Variants in PRSS22 observed in about 807,000 individuals in gnomAD.
PRSS22 encodes brain-specific serine protease 4.
PRSS22 carries 26 observed loss-of-function variants against 28.0 expected under a neutral mutation model. That is an observed-to-expected ratio of 0.93 (90% CI 0.68 to 1.29). The LOEUF (loss-of-function observed/expected upper bound fraction) is 1.29. Ranked by LOEUF, PRSS22 falls within the 50% of genes most tolerant of loss-of-function variation. PRSS22 has a pLI of 0.00. For synonymous variants in PRSS22, 217 were observed against 177.9 expected (o/e 1.22, Z -1.75); for missense variants, 444 against 422.1 (o/e 1.05, Z -0.46).
intron 4 of PRSS22, among the ~76,000 whole-genome samples, chr16:2,854,719 C>T (rs1484772075): frequency 3.9e-5 from 6 of 152,196 alleles, no homozygotes; most frequent in Non-Finnish European, 7.3e-5. Flanking sequence ...ATCTGCCTGT[C>T]GATCTGTCAT....
chr16:2,856,406 C>G (rs1010705958), intron 2 of PRSS22, among the ~76,000 whole-genome samples, 153 bp from the exon 3 acceptor site: 1 of 151,932 alleles, frequency 6.6e-6, no homozygotes, highest in East Asian at 1.9e-4. Context: ...ACTTGCACTC[C>G]AAGCTCCACC....
rs1207188485 is a variant in PRSS22, at chr16:2,856,863, A to G, written c.83-15T>C. ...ATTGAGGATGGCTGAGGGCAAGAGAAGGAAACGGTTAGGCCGGTGAGGGGC... is the reference window on the plus strand; with the variant it reads ...ATTGAGGATGGCTGAGGGCAAGAGAGGGAAACGGTTAGGCCGGTGAGGGGC... On this transcript the variant is annotated splice_polypyrimidine_tract_variant and intron_variant, in intron 1 of 5. Coordinates refer to ENST00000161006, the MANE Select transcript of PRSS22 (RefSeq NM_022119.4). 6 of 1,551,644 alleles carry G rather than the reference A, an allele frequency of 3.9e-6. No individual in the cohort carries two copies. Among genetic ancestry groups the G allele is most frequent in the Non-Finnish European group, 5.2e-6 (6 of 1,147,024 alleles).
At chr16:2,855,445 T>G in intron 4 of PRSS22, 129 bp downstream of exon 4, 1 of 1,001,104 alleles carries the variant, frequency 1.0e-6, no homozygotes, top group Non-Finnish European at 1.4e-6. Context: ...AGCCCATCTT[T>G]CCTTCCACCT....
intron 2 of PRSS22, among the ~76,000 whole-genome samples, chr16:2,856,615 C>T (rs919441283): frequency 6.6e-6 from 1 of 152,060 alleles, no homozygotes. Context: ...GTTCACCTTC[C>T]TGGCTCTCTC....
chr16:2,853,010 A>C lies in PRSS22; in HGVS notation c.*83T>G. 1 of 969,998 alleles carries C rather than the reference A, an allele frequency of 1.0e-6. No homozygotes were observed. Among genetic ancestry groups the C allele is most frequent in the Non-Finnish European group, 1.5e-6 (1 of 682,610 alleles). The allele number at this position is 969,998 out of a possible 1,614,324, so 60.1% of individuals were successfully genotyped here. A position where few individuals can be genotyped will look rare whatever the true frequency, so the allele number is the denominator to read the frequency against. Reference sequence around the variant, plus strand: ...TAGATGAGCCTATTTACGGCGGGGGAAACCGCCCGAGGCCGCCGCAGATCC... The same window carrying C: ...TAGATGAGCCTATTTACGGCGGGGGCAACCGCCCGAGGCCGCCGCAGATCC... On this transcript the variant is annotated 3_prime_UTR_variant, in exon 6 of 6. Transcript: ENST00000161006. The surrounding 1 kb of genome is among the most constrained non-coding windows in gnomAD (Gnocchi z 4.6).
At chr16:2,857,954 GGGAGGGAGGGAAGGAGGGAA>G in intron 1 of PRSS22, 49 bp downstream of exon 1, 1 of 1,143,162 alleles carries the variant, frequency 8.7e-7, no homozygotes, top group Non-Finnish European at 1.1e-6. Flanking sequence ...GAGGGAGAGA[GGGAGGGAGGGAAGGAGGGAA>G]GGAGGGTGGA....
At chr16:2,855,992 C>G (rs34519074) in intron 3 of PRSS22, 90 bp downstream of exon 3, 33,892 of 1,534,924 alleles carry the variant, frequency 0.022, 498 homozygotes, top group Non-Finnish European at 0.027. Context: ...AACAGAGGCC[C>G]GGAAGCAGAG....
At chr16:2,856,052 G>T (rs894671395) in intron 3 of PRSS22, 30 bp downstream of exon 3, 1 of 1,608,310 alleles carries the variant, frequency 6.2e-7, no homozygotes, top group Non-Finnish European at 8.5e-7. Context: ...GGCCTTAGAA[G>T]ATCAAGTGCC....
intron 1 of PRSS22, chr16:2,857,236 T>TTCCCCAGCGCCCAGTGAGGAGGGG (rs2069468580): frequency 1.2e-4 from 12 of 98,052 alleles, no homozygotes; most frequent in African/African-American, 2.1e-4. Flanking sequence ...GTGAGGAGGG[T>TTCCCCAGCGCCCAGTGAGGAGGGG]TCCCCAGCGC....
In PRSS22 at chr16:2,856,864, G is replaced by T; in HGVS notation, c.83-16C>A. On this transcript the variant is annotated splice_polypyrimidine_tract_variant and intron_variant, in intron 1 of 5. Transcript: ENST00000161006. ...TTGAGGATGGCTGAGGGCAAGAGAA[G>T]GAAACGGTTAGGCCGGTGAGGGGCC... 6 of 1,551,718 alleles carry T rather than the reference G, an allele frequency of 3.9e-6. No individual in the cohort carries two copies. Among genetic ancestry groups the T allele is most frequent in the Non-Finnish European group, 5.2e-6 (6 of 1,147,000 alleles).
Position 2,858,050 on chromosome 16 carries a change from T to C in PRSS22, c.55A>G (p.Thr19Ala). The change falls in exon 1 of 6, where the codon ACC becomes GCC. Residue 19 changes from threonine to alanine, a missense_variant. Transcript: ENST00000161006. ...GTCGACGCCAGCAGCAGCAGGGAGG[T>C]GAAGGTGCCGAGACAGCCCCCACCC... ...ALGGGCLGTFTSLLLLASTAI... is the reference protein window; with the variant it reads ...ALGGGCLGTFASLLLLASTAI... 1 of 1,273,720 alleles carries C rather than the reference T, an allele frequency of 7.9e-7. No individual in the cohort carries two copies. The highest frequency in any genetic ancestry group is 1.0e-6 in the Non-Finnish European group (1 of 1,001,974). The allele number at this position is 1,273,720 out of a possible 1,614,324, so 78.9% of individuals were successfully genotyped here. A position where few individuals can be genotyped will look rare whatever the true frequency, so the allele number is the denominator to read the frequency against.
In PRSS22 at chr16:2,856,090, A is replaced by G; in HGVS notation, c.273T>C (p.Cys91=). ...AGGCCGGCTGTACATACTCCTTGAA[A>G]CAGTGGGCAGCAGTGATCACCCAGC... ...TSRWVITAAH[C]FKDNLNKPYL... is the part of the protein sequence containing the mutation. Residue 91 remains cysteine, a synonymous_variant, in exon 3 of 6, where the codon TGT becomes TGC. Transcript: ENST00000161006. 1.2e-6 allele frequency: 2 copies of G among 1,613,816 alleles called. No homozygotes were observed. The highest frequency in any genetic ancestry group is 1.1e-5 in the South Asian group (1 of 91,082).
At chr16:2,854,943 C>A (rs1049035852) in intron 4 of PRSS22, among the ~76,000 whole-genome samples, 1 of 152,062 alleles carries the variant, frequency 6.6e-6, no homozygotes, top group Non-Finnish European at 1.5e-5. Flanking sequence ...TTATATTCAC[C>A]CTGTATTCAG....
chr16:2,854,084 G>T, intron 4 of PRSS22, 62 bp from the exon 5 acceptor site: 1 of 1,578,530 alleles, frequency 6.3e-7, no homozygotes, highest in Non-Finnish European at 8.7e-7. Flanking sequence ...CTCCTCAAAG[G>T]ACTATTCCCC....
chr16:2,857,963 G>T (rs749684780), intron 1 of PRSS22, 60 bp downstream of exon 1: 32 of 1,192,980 alleles, frequency 2.7e-5, no homozygotes, highest in Non-Finnish European at 3.3e-5. Flanking sequence ...AGGGAGGGAG[G>T]GAAGGAGGGA....
In PRSS22 at chr16:2,853,100, C is replaced by G. The variant is rs539128224; in HGVS notation, c.947G>C (p.Arg316Pro). Residue 316 changes from arginine to proline, a missense_variant, in exon 6 of 6, where the codon CGC becomes CCC. Physicochemically the swap from Arg to Pro is moderately radical, Grantham distance 103 (BLOSUM62 -2). Coordinates refer to ENST00000161006, the MANE Select transcript of PRSS22 (RefSeq NM_022119.4). The surrounding 1 kb of genome is among the most constrained non-coding windows in gnomAD (Gnocchi z 4.6). Reference sequence around the variant, plus strand: ...CCCGCGTCCCGCTGCGCCCTAGGAGCGCGCGGCGGCCCCAGAGCCCTGGCT... The same window carrying G: ...CCCGCGTCCCGCTGCGCCCTAGGAGGGCGCGGCGGCCCCAGAGCCCTGGCT... ...APSQGSGAAA[R>P]S 170 of 1,582,098 alleles carry G rather than the reference C, an allele frequency of 1.1e-4. No individual in the cohort carries two copies. The African/African-American group carries it at 2.1e-3, about 19-fold the overall frequency.
intron 2 of PRSS22, among the ~76,000 whole-genome samples, 199 bp from the exon 3 acceptor site, chr16:2,856,452 C>A (rs2069458017): frequency 6.6e-6 from 1 of 152,022 alleles, no homozygotes; most frequent in Non-Finnish European, 1.5e-5. Flanking sequence ...TAAGCTCCAC[C>A]CATACCCCAA....
At chr16:2,855,947 A>G (rs2069451639) in intron 3 of PRSS22, 96 bp from the exon 4 acceptor site, 1 of 1,513,960 alleles carries the variant, frequency 6.6e-7, no homozygotes, top group Non-Finnish European at 8.9e-7. Flanking sequence ...AAGGCAGGAG[A>G]GGCTTCTAGG....
intron 4 of PRSS22, chr16:2,854,399 G>A (rs1231840684): frequency 9.6e-6 from 2 of 208,694 alleles, no homozygotes; most frequent in East Asian, 1.1e-4. Flanking sequence ...GGATCCCCAC[G>A]CCTTGCCTGG....
Sources: allele counts gnomAD v4.1 joint callset (sites outside exome capture counted in the v4.1 genomes callset), GRCh38; gene constraint gnomAD v4.1.1; non-coding constraint Gnocchi (gnomAD v3.1); transcripts MANE v1.5; gene names NCBI Gene and HGNC (gene_info 2026-07-23, HGNC 2026-07-21).